Variants in SPTB observed in about 807,000 individuals in gnomAD.
SPTB encodes the protein spectrin beta chain, erythrocytic.
Under a neutral mutation model 256.2 loss-of-function variants are expected in SPTB, and 45 were observed. The ratio of observed to expected loss-of-function variants is 0.18; its 90% CI spans 0.14 to 0.23. The LOEUF (loss-of-function observed/expected upper bound fraction) is 0.23. SPTB is among the 10% of genes least tolerant of loss of function. The probability of loss-of-function intolerance (pLI) is 1.00; values close to 1 mark genes in which losing one functional copy is unlikely to be tolerated. For missense variants in SPTB, 2,715 were observed against 3,040.4 expected, an observed-to-expected ratio of 0.89 and a Z score of 2.52; for synonymous variants, 1,231 against 1,243.1, an observed-to-expected ratio of 0.99 and a Z score of 0.21.
intron 32 of SPTB, among the ~76,000 whole-genome samples, chr14:64,765,814 GTGTGT>G (rs2082161999): frequency 3.4e-5 from 5 of 148,174 alleles, no homozygotes; most frequent in South Asian, 2.2e-4. Flanking sequence ...GGGTGTGTGT[GTGTGT>G]GAGTGTGTGT....
chr14:64,836,499 A>T (rs76651972), intron 1 of SPTB, among the ~76,000 whole-genome samples: 3,639 of 152,074 alleles, frequency 0.024, 66 homozygotes, highest in South Asian at 0.043. Flanking sequence ...TACGCTGTCA[A>T]GGCAAAACAA....
At chr14:64,842,314 A>G (rs1484217288) in intron 1 of SPTB, among the ~76,000 whole-genome samples, 1 of 101,066 alleles carries the variant, frequency 9.9e-6, no homozygotes, top group African/African-American at 2.7e-5. Context: ...GGCTGGAGCC[A>G]GTTTCCAGAA....
chr14:64,789,987 G>C lies in SPTB; in HGVS notation c.2804+1732C>G, dbSNP rs533026988. On this transcript the variant is annotated intron_variant, in intron 15 of 35. Coordinates refer to ENST00000644917, the MANE Select transcript of SPTB (RefSeq NM_001355436.2). ...GAAAAATAATTGAAGAGCTATACAC[G>C]GAAGAGGAACCAGGGTAAGTGTGAT... Among the ~76,000 whole-genome samples the C allele has an allele frequency of 2.6e-5, 4 of 152,198 alleles. No individual in the cohort carries two copies. In the East Asian group the frequency reaches 7.7e-4, roughly 29 times the overall value.
In SPTB at chr14:64,827,414, T is replaced by A. The variant is rs1024498158; in HGVS notation, c.-51-4269A>T. 6.6e-6 allele frequency among the ~76,000 whole-genome samples: 1 copy of A among 152,234 alleles called. No individual in the cohort carries two copies. Among genetic ancestry groups the A allele is most frequent in the African/African-American group, 2.4e-5 (1 of 41,458 alleles). On this transcript the variant is annotated intron_variant, in intron 1 of 35. Transcript: ENST00000644917. This position sits in a 1 kb window ranked among gnomAD's most constrained non-coding sequence, Gnocchi z 4.6. ...TATTGCTCCTTCCACTGTATTGTTA[T>A]CTTCTCTCTAGCTGTAAGGTTTGAC...
In SPTB at chr14:64,796,526, C is replaced by T. The variant is rs573619587; in HGVS notation, c.1341+31G>A. The T allele has an allele frequency of 3.1e-6, 5 of 1,614,032 alleles. No homozygotes were observed. The African/African-American group carries it at 5.3e-5, about 17-fold the overall frequency. The stretch of plus-strand genomic sequence containing the variant: ...CTGGGGGCTCTGAAGAATGTCCCCT[C>T]TCCTGTCACCCAAAGCATGTCCCTC... On this transcript the variant is annotated intron_variant, in intron 11 of 35. Coordinates refer to ENST00000644917, the MANE Select transcript of SPTB (RefSeq NM_001355436.2). The surrounding 1 kb of genome is among the most constrained non-coding windows in gnomAD (Gnocchi z 4.1).
At position 64,786,797 on chromosome 14, in the gene SPTB, C is replaced by G. The variant is rs1594775353; in HGVS notation, c.3168G>C (p.Leu1056Phe). ...LQQSLQGQED[L>F]LGEVSQLQAF... ...CCTGCAGCTGGCTGACTTCCCCCAG[C>G]AAGTCCTCCTGGCCCTGCAGGGATT... Residue 1056 changes from leucine (L) to phenylalanine (F), a missense_variant, in exon 16 of 36, where the codon TTG becomes TTC. Coordinates refer to ENST00000644917, the MANE Select transcript of SPTB (RefSeq NM_001355436.2). The surrounding 1 kb of genome is among the most constrained non-coding windows in gnomAD (Gnocchi z 5.6). 6.2e-7 allele frequency: 1 copy of G among 1,614,054 alleles called. No individual in the cohort carries two copies. The highest frequency in any genetic ancestry group is 8.5e-7 in the Non-Finnish European group (1 of 1,180,010).
In SPTB at chr14:64,845,576, A is replaced by G. The variant is rs902712112; in HGVS notation, c.-51-22431T>C. Among the ~76,000 whole-genome samples the G allele has an allele frequency of 1.4e-4, 21 of 152,240 alleles. No homozygotes were observed. The highest frequency in any genetic ancestry group is 2.1e-4 in the Non-Finnish European group (14 of 68,032). ...GAACTCTCAAACTTAAAGTTTTACC[A>G]GACTATAGGACTGTAGAGATGAAAA... On this transcript the variant is annotated intron_variant, in intron 1 of 35. Transcript: ENST00000644917. This position sits in a 1 kb window ranked among gnomAD's most constrained non-coding sequence, Gnocchi z 4.8.
chr14:64,798,177 C>CA (rs914120217), intron 9 of SPTB, among the ~76,000 whole-genome samples: 2 of 152,030 alleles, frequency 1.3e-5, no homozygotes, highest in African/African-American at 4.8e-5. Context: ...CGGATCAATA[C>CA]AAAAAAAATT....
At chr14:64,794,349 G>A (rs2082728381) in intron 13 of SPTB, 118 bp downstream of exon 13, 2 of 1,371,026 alleles carry the variant, frequency 1.5e-6, no homozygotes, top group African/African-American at 2.9e-5. Flanking sequence ...ACCATTACTT[G>A]ATGAAAGTAA....
chr14:64,819,586 C>G (rs2083254393), intron 2 of SPTB, among the ~76,000 whole-genome samples: 2 of 152,176 alleles, frequency 1.3e-5, no homozygotes, highest in Non-Finnish European at 2.9e-5. Context: ...TCATGGGCAT[C>G]AGGTCTGGGG....
intron 1 of SPTB, among the ~76,000 whole-genome samples, chr14:64,832,541 A>G (rs2083465627): frequency 6.6e-6 from 1 of 152,100 alleles, no homozygotes; most frequent in Non-Finnish European, 1.5e-5. Flanking sequence ...CCATGACTTG[A>G]ATTACCATCT....
At chr14:64,767,498 G>T (rs921701327) in intron 30 of SPTB, 146 bp from the exon 31 acceptor site, 1 of 1,395,394 alleles carries the variant, frequency 7.2e-7, no homozygotes, top group Non-Finnish European at 1.0e-6. Context: ...CTTTGCATTC[G>T]GAGGTCAGTA....
Position 64,816,703 on chromosome 14 carries a change from C to T in SPTB, c.148+6244G>A, listed in dbSNP as rs1015743109. On this transcript the variant is annotated intron_variant, in intron 2 of 35. Coordinates refer to ENST00000644917, the MANE Select transcript of SPTB (RefSeq NM_001355436.2). This position sits in a 1 kb window ranked among gnomAD's most constrained non-coding sequence, Gnocchi z 4.2. The stretch of plus-strand genomic sequence containing the variant: ...TGGAGGCAAAATGCTCCCAGAGACT[C>T]GGCTGCTACTAGCCTCCTTGTCACT... 2.6e-5 allele frequency among the ~76,000 whole-genome samples: 4 copies of T among 152,180 alleles called. No homozygotes were observed. The highest frequency in any genetic ancestry group is 1.3e-4 in the Admixed American group (2 of 15,280).
At position 64,753,517 on chromosome 14, in the gene SPTB, G is replaced by A. The variant is rs1291632542; in HGVS notation, c.6602+20C>T. On this transcript the variant is annotated intron_variant, in intron 33 of 35. Coordinates refer to ENST00000644917, the MANE Select transcript of SPTB (RefSeq NM_001355436.2). The stretch of plus-strand genomic sequence containing the variant: ...GAGCTGCCCAACCTACCCTCAGCCA[G>A]CAGCCTCTCCCGCACTCACCTGTTG... The A allele has an allele frequency of 2.5e-6, 4 of 1,612,870 alleles. No individual in the cohort carries two copies. The African/African-American group carries it at 5.3e-5, about 22-fold the overall frequency.
At position 64,802,845 on chromosome 14, in the gene SPTB, A is replaced by G. The variant is rs920278758; in HGVS notation, c.475-528T>C. 1.2e-4 allele frequency among the ~76,000 whole-genome samples: 18 copies of G among 152,214 alleles called. No individual in the cohort carries two copies. The highest frequency in any genetic ancestry group is 1.0e-3 in the Admixed American group (16 of 15,288). The stretch of plus-strand genomic sequence containing the variant: ...TGGATAACTCTAATAGAATGCAGAG[A>G]ATCAGTGACAAGATGCCCTGATTCC... On this transcript the variant is annotated intron_variant, in intron 4 of 35. Transcript: ENST00000644917. The surrounding 1 kb of genome is among the most constrained non-coding windows in gnomAD (Gnocchi z 5.1).
intron 2 of SPTB, among the ~76,000 whole-genome samples, chr14:64,814,657 AGG>A (rs2083156020): frequency 6.6e-6 from 1 of 152,162 alleles, no homozygotes; most frequent in African/African-American, 2.4e-5. Flanking sequence ...CTGGGATCAC[AGG>A]CATGTGCCAC....
At position 64,800,717 on chromosome 14, in the gene SPTB, AG is replaced by A. The variant is rs749066975; in HGVS notation, c.876+38del. On this transcript the variant is annotated intron_variant, in intron 8 of 35. Coordinates refer to ENST00000644917, the MANE Select transcript of SPTB (RefSeq NM_001355436.2). Reference sequence around the variant, plus strand: ...GCCACTCTGTCTGGACCTGACAAACAGGGGAAGAGTGACACTTTGGTTCCAA... The same window carrying A: ...GCCACTCTGTCTGGACCTGACAAACAGGGAAGAGTGACACTTTGGTTCCAA... 13 of 1,563,378 alleles carry A rather than the reference AG, an allele frequency of 8.3e-6. No individual in the cohort carries two copies. In the African/African-American group the frequency reaches 1.8e-4, roughly 21 times the overall value.
At chr14:64,765,763 G>T (rs1346600301) in intron 32 of SPTB, among the ~76,000 whole-genome samples, 1 of 151,712 alleles carries the variant, frequency 6.6e-6, no homozygotes. Flanking sequence ...CACTGAAGAT[G>T]CCTGTGGTGG....
chr14:64,859,845 C>G (rs986207353), intron 1 of SPTB, among the ~76,000 whole-genome samples: 1 of 151,952 alleles, frequency 6.6e-6, no homozygotes, highest in Non-Finnish European at 1.5e-5. Flanking sequence ...CTTTCATTTT[C>G]TATGGTCTGT....
Sources: allele counts gnomAD v4.1 joint callset (sites outside exome capture counted in the v4.1 genomes callset), GRCh38; gene constraint gnomAD v4.1.1; non-coding constraint Gnocchi (gnomAD v3.1); transcripts MANE v1.5; gene names NCBI Gene and HGNC (gene_info 2026-07-23, HGNC 2026-07-21).